Variants in GALNT15 observed in about 807,000 individuals in gnomAD.
GALNT15 encodes the protein UDP-GalNAc transferase T15.
Under a neutral mutation model 66.8 loss-of-function variants are expected in GALNT15, and 67 were observed. That is an observed-to-expected ratio of 1.00 (90% CI 0.82 to 1.23). GALNT15 has a LOEUF of 1.23. Ranked by LOEUF, GALNT15 falls within the 50% of genes most tolerant of loss-of-function variation. The pLI, the probability that GALNT15 is intolerant of heterozygous loss-of-function variation, is 0.00. For missense variants in GALNT15, 827 were observed against 804.3 expected (o/e 1.03, Z -0.34); for synonymous variants, 313 against 311.5 (o/e 1.00, Z -0.05).
At position 16,229,589 on chromosome 3, in the gene GALNT15, A is replaced by G. The variant is rs2064062406; in HGVS notation, c.*2089A>G. 1 of 985,330 alleles carries G rather than the reference A, an allele frequency of 1.0e-6. No individual in the cohort carries two copies. The highest frequency in any genetic ancestry group is 1.7e-5 in the African/African-American group (1 of 57,260). 61.0% of individuals were successfully genotyped at this position (985,330 alleles called of 1,614,324 possible). A position where few individuals can be genotyped will look rare whatever the true frequency, so the allele number is the denominator to read the frequency against. On this transcript the variant is annotated 3_prime_UTR_variant, in exon 10 of 10. Transcript: ENST00000339732. ...TCCTGAGACTGAGACGGAGCTACAAATTCTCAGATGGCGACCGTGTAAATG... is the reference window on the plus strand; with the variant it reads ...TCCTGAGACTGAGACGGAGCTACAAGTTCTCAGATGGCGACCGTGTAAATG...
chr3:16,233,094 CTTTT>C (rs61516679), downstream of GALNT15, among the ~76,000 whole-genome samples: 4 of 61,204 alleles, frequency 6.5e-5, no homozygotes, highest in Non-Finnish European at 1.2e-4. Flanking sequence ...GATAATGCAT[CTTTT>C]TTTTTTTTTT....
rs556781162 is a variant in GALNT15 at position 16,180,192 on chromosome 3, C to T, written c.539+4502C>T. Among the ~76,000 whole-genome samples, 9 of 152,358 alleles carry T rather than the reference C, an allele frequency of 5.9e-5. No homozygotes were observed. Among genetic ancestry groups the T allele is most frequent in the African/African-American group, 2.2e-4 (9 of 41,586 alleles). On this transcript the variant is annotated intron_variant, in intron 1 of 9. Transcript: ENST00000339732. This position sits in a 1 kb window ranked among gnomAD's most constrained non-coding sequence, Gnocchi z 5.0. ...GTGGGGCTCAACATTTGCATTTCTG[C>T]AAACTCCTGGTACTGCTGCTGCTGC...
rs1226946679 is a variant in GALNT15 at position 16,187,001 on chromosome 3, C to T, written c.540-8759C>T. On this transcript the variant is annotated intron_variant, in intron 1 of 9. Coordinates refer to ENST00000339732, the MANE Select transcript of GALNT15 (RefSeq NM_054110.5). The surrounding 1 kb of genome is among the most constrained non-coding windows in gnomAD (Gnocchi z 5.1). ...TGATTTCAGGCCGGGCGTGGTGGCT[C>T]ACTCCTGTAATCCCAGCACTTTGGG... is the stretch of plus-strand genomic sequence containing the variant. Among the ~76,000 whole-genome samples, 1 of 152,144 alleles carries T rather than the reference C, an allele frequency of 6.6e-6. No individual in the cohort carries two copies. The highest frequency in any genetic ancestry group is 2.4e-5 in the African/African-American group (1 of 41,426).
Position 16,211,302 on chromosome 3 carries a change from G to A in GALNT15, c.1197+61G>A, listed in dbSNP as rs1574989104. The A allele has an allele frequency of 9.7e-7, 1 of 1,034,402 alleles. No homozygotes were observed. The highest frequency in any genetic ancestry group is 1.5e-6 in the Non-Finnish European group (1 of 657,034). 64.1% of individuals were successfully genotyped at this position (1,034,402 alleles called of 1,614,324 possible). A position where few individuals can be genotyped will look rare whatever the true frequency, so the allele number is the denominator to read the frequency against. ...CTCTGGAGTGGTGTGTATGGTCACA[G>A]CTCAGAGGCAGGCATTAGAAATGTC... On this transcript the variant is annotated intron_variant, in intron 5 of 9. Transcript: ENST00000339732. This position sits in a 1 kb window ranked among gnomAD's most constrained non-coding sequence, Gnocchi z 4.3.
At chr3:16,234,897 G>T (rs1404708784), downstream of GALNT15, among the ~76,000 whole-genome samples, 1 of 150,744 alleles carries the variant, frequency 6.6e-6, no homozygotes, top group Non-Finnish European at 1.5e-5. Flanking sequence ...TGGGGGAGGG[G>T]CAAGATAGTT....
At chr3:16,215,909 A>T (rs1250052502) in intron 6 of GALNT15, among the ~76,000 whole-genome samples, 2 of 22,420 alleles carry the variant, frequency 8.9e-5, no homozygotes, top group African/African-American at 2.1e-4. Flanking sequence ...ACTCCGCCAA[A>T]AAAAAAAAAA....
intron 3 of GALNT15, among the ~76,000 whole-genome samples, chr3:16,201,465 G>T (rs2063702799): frequency 6.6e-6 from 1 of 152,180 alleles, no homozygotes; most frequent in Non-Finnish European, 1.5e-5. Flanking sequence ...ACAGGCGTGA[G>T]CCACCGCGCC....
At position 16,184,981 on chromosome 3, in the gene GALNT15, C is replaced by T. The variant is rs2063503584; in HGVS notation, c.539+9291C>T. On this transcript the variant is annotated intron_variant, in intron 1 of 9. Transcript: ENST00000339732. This position sits in a 1 kb window ranked among gnomAD's most constrained non-coding sequence, Gnocchi z 5.0. Reference sequence around the variant, plus strand: ...GGATGCTCTGACTGGGGAAATCACACTGGTCAGCCAGAGAAAGCCCTAGGG... The same window carrying T: ...GGATGCTCTGACTGGGGAAATCACATTGGTCAGCCAGAGAAAGCCCTAGGG... 6.6e-6 allele frequency among the ~76,000 whole-genome samples: 1 copy of T among 152,206 alleles called. No homozygotes were observed. The highest frequency in any genetic ancestry group is 6.5e-5 in the Admixed American group (1 of 15,286).
intron 8 of GALNT15, among the ~76,000 whole-genome samples, chr3:16,220,678 C>T (rs984585643): frequency 3.3e-5 from 5 of 152,146 alleles, no homozygotes; most frequent in Admixed American, 2.6e-4. Flanking sequence ...CCCAAAGGCC[C>T]CTAATAAAAC....
At chr3:16,242,230 A>C in the GALNT15 span, among the ~76,000 whole-genome samples, 2 of 152,212 alleles carry the variant, frequency 1.3e-5, no homozygotes, top group South Asian at 4.1e-4. The surrounding 1 kb of genome is among the most constrained non-coding windows in gnomAD (Gnocchi z 5.6). Flanking sequence ...GACCCCACTT[A>C]TCAAAGGGAC....
intron 9 of GALNT15, among the ~76,000 whole-genome samples, chr3:16,226,646 C>T (rs557339947): frequency 4.5e-4 from 69 of 152,328 alleles, no homozygotes; most frequent in Middle Eastern, 3.4e-3. Context: ...AATCACCTCC[C>T]ACCAGGCCCC....
chr3:16,191,137 A>G lies in GALNT15; in HGVS notation c.540-4623A>G, dbSNP rs917619245. Among the ~76,000 whole-genome samples the G allele has an allele frequency of 6.6e-6, 1 of 152,110 alleles. No individual in the cohort carries two copies. Among genetic ancestry groups the G allele is most frequent in the Non-Finnish European group, 1.5e-5 (1 of 68,028 alleles). On this transcript the variant is annotated intron_variant, in intron 1 of 9. Coordinates refer to ENST00000339732, the MANE Select transcript of GALNT15 (RefSeq NM_054110.5). This position sits in a 1 kb window ranked among gnomAD's most constrained non-coding sequence, Gnocchi z 5.2. ...TTGGTTCACCATCTTCTCTCTCACT[A>G]TGAGGAGAGAAGTTACATCTGTTCA...
In GALNT15 at chr3:16,175,583, T is replaced by TGAAGAAGAG; in HGVS notation, c.435_443dup (p.Glu146_Glu148dup). 1.2e-6 allele frequency: 2 copies of TGAAGAAGAG among 1,613,746 alleles called. No individual in the cohort carries two copies. The highest frequency in any genetic ancestry group is 2.7e-5 in the African/African-American group (2 of 75,038). ...GGGCTGATGAGGACGGGGAGGTGTC[T>TGAAGAAGAG]GAAGAAGAGGAGTTGACCCCGTTCA... On this transcript the variant is annotated inframe_insertion, in exon 1 of 10. Transcript: ENST00000339732. The surrounding 1 kb of genome is among the most constrained non-coding windows in gnomAD (Gnocchi z 5.6).
rs2063675320 is a variant in GALNT15 at position 16,199,352 on chromosome 3, C to G, written c.707-1267C>G. 1.4e-5 allele frequency among the ~76,000 whole-genome samples: 2 copies of G among 142,266 alleles called. 1 individual carries two copies. Among genetic ancestry groups the G allele is most frequent in the Non-Finnish European group, 3.1e-5 (2 of 64,354 alleles). 93.3% of individuals were successfully genotyped at this position (142,266 alleles called of 152,430 possible). Reference sequence around the variant, plus strand: ...CTATAGAATCAACCTTCCTAACCGTCTGGACTCTTGGTCTCAGTTTTTCAT... The same window carrying G: ...CTATAGAATCAACCTTCCTAACCGTGTGGACTCTTGGTCTCAGTTTTTCAT... On this transcript the variant is annotated intron_variant, in intron 2 of 9. Transcript: ENST00000339732.
At chr3:16,231,656 T>G, downstream of GALNT15, 1 of 655,854 alleles carries the variant, frequency 1.5e-6, no homozygotes, top group East Asian at 2.8e-5. This position sits in a 1 kb window ranked among gnomAD's most constrained non-coding sequence, Gnocchi z 4.1. Context: ...AGATTAATGT[T>G]TGAAAATTAA....
chr3:16,210,134 A>T (rs1332635614), intron 4 of GALNT15, among the ~76,000 whole-genome samples: 2 of 152,222 alleles, frequency 1.3e-5, no homozygotes, highest in African/African-American at 4.8e-5. Context: ...AAAATGTGGC[A>T]TGCACAGAGC....
the GALNT15 span, among the ~76,000 whole-genome samples, chr3:16,238,454 A>G: frequency 6.6e-6 from 1 of 151,864 alleles, no homozygotes; most frequent in African/African-American, 2.4e-5. This position sits in a 1 kb window ranked among gnomAD's most constrained non-coding sequence, Gnocchi z 4.8. Flanking sequence ...AATATTAACA[A>G]CATTAATATT....
chr3:16,191,264 G>A lies in GALNT15; in HGVS notation c.540-4496G>A, dbSNP rs557440787. On this transcript the variant is annotated intron_variant, in intron 1 of 9. Transcript: ENST00000339732. This position sits in a 1 kb window ranked among gnomAD's most constrained non-coding sequence, Gnocchi z 5.2. Reference sequence around the variant, plus strand: ...CTCCTTCTTCCTCCTGCTGCGGGAAGGAGCCCCCAAAGAATCAAGAACACA... The same window carrying A: ...CTCCTTCTTCCTCCTGCTGCGGGAAAGAGCCCCCAAAGAATCAAGAACACA... 18 of 911,156 alleles carry A rather than the reference G, an allele frequency of 2.0e-5. 1 individual carries two copies. In the South Asian group the frequency reaches 8.1e-4, roughly 41 times the overall value. The allele number at this position is 911,156 out of a possible 1,614,324, so 56.4% of individuals were successfully genotyped here.
rs1447189612 is a variant in GALNT15 at position 16,211,084 on chromosome 3, G to T, written c.1080-40G>T. ...CCCCAGCCTCGCCTGCTGTGCTCTG[G>T]GTTCTGAACTGCAGTGTCCTGCCTG... On this transcript the variant is annotated intron_variant, in intron 4 of 9. Transcript: ENST00000339732. The surrounding 1 kb of genome is among the most constrained non-coding windows in gnomAD (Gnocchi z 4.3). 2 of 1,470,670 alleles carry T rather than the reference G, an allele frequency of 1.4e-6. No homozygotes were observed. The highest frequency in any genetic ancestry group is 1.1e-5 in the South Asian group (1 of 88,028). The allele number at this position is 1,470,670 out of a possible 1,614,324, so 91.1% of individuals were successfully genotyped here.
Sources: gnomAD v4.1 joint callset for allele counts (sites outside exome capture counted in the v4.1 genomes callset) on GRCh38, gnomAD v4.1.1 for gene constraint, Gnocchi (gnomAD v3.1) non-coding constraint, MANE v1.5 for transcripts, NCBI Gene and HGNC (gene_info 2026-07-23, HGNC 2026-07-21) for gene names.